The following MSH3 variants were observed in gnomAD, a reference collection of about 807,000 sequenced individuals.
MSH3 encodes mutS homolog 3.
In MSH3, 106 loss-of-function variants were observed where a neutral mutation model predicts 123.3. The ratio of observed to expected loss-of-function variants is 0.86; its 90% CI spans 0.73 to 1.01. The LOEUF is 1.01. Among genes scored for constraint, MSH3 ranks in the 50% least tolerant of loss-of-function variants. The pLI is 0.00. For missense variants in MSH3, 1,459 were observed against 1,347.6 expected (o/e 1.08, Z -1.29); for synonymous variants, 515 against 481.4 (o/e 1.07, Z -0.91).
chr5:80,854,855 G>C (rs1745890043), intron 21 of MSH3, among the ~76,000 whole-genome samples: 1 of 151,988 alleles, frequency 6.6e-6, no homozygotes, highest in Non-Finnish European at 1.5e-5. Flanking sequence ...TATTATCCTT[G>C]GTGAACCCTA....
intron 13 of MSH3, among the ~76,000 whole-genome samples, chr5:80,763,962 G>C (rs533321027): frequency 6.6e-6 from 1 of 152,336 alleles, no homozygotes; most frequent in Non-Finnish European, 1.5e-5. Flanking sequence ...TGCTGTTTTA[G>C]TGTTTGTTTA....
At chr5:80,682,760 G>C (rs1026240743) in intron 8 of MSH3, among the ~76,000 whole-genome samples, 19 of 152,150 alleles carry the variant, frequency 1.2e-4, no homozygotes, top group Non-Finnish European at 2.6e-4. Flanking sequence ...ATTTTAAAAT[G>C]TACAATTAAA....
intron 10 of MSH3, among the ~76,000 whole-genome samples, chr5:80,733,596 AAT>A (rs113921589): frequency 4.0e-5 from 6 of 150,318 alleles, no homozygotes; most frequent in Admixed American, 6.6e-5. Flanking sequence ...TTGTATCTAG[AAT>A]ATATATATAT....
intron 6 of MSH3, among the ~76,000 whole-genome samples, chr5:80,674,771 T>C (rs1019692749): frequency 1.3e-5 from 2 of 152,160 alleles, no homozygotes; most frequent in Non-Finnish European, 2.9e-5. Flanking sequence ...AGAGACAGCA[T>C]CTTGCTTTGT....
At chr5:80,752,202 T>A (rs575735301) in intron 12 of MSH3, among the ~76,000 whole-genome samples, 1 of 151,932 alleles carries the variant, frequency 6.6e-6, no homozygotes, top group South Asian at 2.1e-4. Flanking sequence ...GAATCTGAGA[T>A]TCGAAGAAAG....
At position 80,766,337 on chromosome 5, in the gene MSH3, T is replaced by A. The variant is rs185928584; in HGVS notation, c.1897-1596T>A. On this transcript the variant is annotated intron_variant, in intron 13 of 23. Coordinates refer to ENST00000265081, the MANE Select transcript of MSH3 (RefSeq NM_002439.5). Reference sequence around the variant, plus strand: ...TGTCTTCTTTTCTAGTGTGTTTTTTTCCTTTTTTTTTTTTTTTTTTTTTTT... The same window carrying A: ...TGTCTTCTTTTCTAGTGTGTTTTTTACCTTTTTTTTTTTTTTTTTTTTTTT... Among the ~76,000 whole-genome samples the A allele has an allele frequency of 6.3e-3, 933 of 147,634 alleles. 13 individuals are homozygous for A. The highest frequency in any genetic ancestry group is 0.014 in the Middle Eastern group (4 of 288).
At chr5:80,750,078 A>AGCGTGT (rs1554071460) in intron 12 of MSH3, among the ~76,000 whole-genome samples, 1 of 134,206 alleles carries the variant, frequency 7.5e-6, no homozygotes, top group African/African-American at 3.0e-5. Context: ...AGTATTCCAG[A>AGCGTGT]GTGTGTGTGT....
intron 16 of MSH3, 33 bp downstream of exon 16, chr5:80,775,791 C>T: frequency 5.9e-6 from 7 of 1,188,888 alleles, no homozygotes; most frequent in Non-Finnish European, 8.8e-6. Flanking sequence ...TCTTACAATG[C>T]ATTATGATGA....
At chr5:80,827,878 A>G (rs1440422341) in intron 20 of MSH3, among the ~76,000 whole-genome samples, 2 of 152,174 alleles carry the variant, frequency 1.3e-5, no homozygotes, top group East Asian at 3.9e-4. Flanking sequence ...GGAGGCCTTT[A>G]GACACTATTT....
intron 8 of MSH3, among the ~76,000 whole-genome samples, chr5:80,708,430 AT>A (rs958953301): frequency 2.0e-5 from 3 of 151,748 alleles, no homozygotes; most frequent in Admixed American, 1.3e-4. Flanking sequence ...CAAAGGCTTC[AT>A]TTTGTCTTTG....
rs766742870 is a variant in MSH3 at position 80,854,288 on chromosome 5, A to G, written c.2972A>G (p.Tyr991Cys). Residue 991 changes from tyrosine (Y) to cysteine (C), a missense_variant, in exon 21 of 24, where the codon TAT becomes TGT. By Grantham distance (194) the Tyr-to-Cys change is radical. Transcript: ENST00000265081. ...TSTHDGIAIA[Y>C]ATLEYFIRDV... ...ACTCATGATGGAATTGCCATTGCCTATGCTACACTTGAGTATTTCATCAGA... is the reference window on the plus strand; with the variant it reads ...ACTCATGATGGAATTGCCATTGCCTGTGCTACACTTGAGTATTTCATCAGA... The G allele has an allele frequency of 6.8e-6, 11 of 1,613,956 alleles. No individual in the cohort carries two copies. The highest frequency in any genetic ancestry group is 4.4e-5 in the South Asian group (4 of 91,064).
intron 19 of MSH3, among the ~76,000 whole-genome samples, chr5:80,809,982 C>T (rs975868675): frequency 3.3e-5 from 5 of 151,830 alleles, no homozygotes; most frequent in African/African-American, 9.7e-5. Flanking sequence ...ACACAAATGT[C>T]GTAGAGATTG....
At chr5:80,794,043 T>C (rs530445932) in intron 19 of MSH3, among the ~76,000 whole-genome samples, 1 of 152,196 alleles carries the variant, frequency 6.6e-6, no homozygotes, top group South Asian at 2.1e-4. Context: ...GAGAGTGAGG[T>C]GTGGTTATTT....
intron 22 of MSH3, among the ~76,000 whole-genome samples, chr5:80,871,327 A>G (rs1746212108): frequency 6.6e-6 from 1 of 152,198 alleles, no homozygotes; most frequent in South Asian, 2.1e-4. Context: ...CCCCCAAAAC[A>G]TAGCGGCTTA....
At chr5:80,792,510 T>G (rs1401367070) in intron 18 of MSH3, among the ~76,000 whole-genome samples, 1 of 152,158 alleles carries the variant, frequency 6.6e-6, no homozygotes, top group Non-Finnish European at 1.5e-5. Context: ...TGTGCTTCAG[T>G]GCACTATTAT....
At chr5:80,847,893 T>C (rs907450817) in intron 20 of MSH3, among the ~76,000 whole-genome samples, 26 of 152,234 alleles carry the variant, frequency 1.7e-4, no homozygotes, top group Admixed American at 2.0e-4. Context: ...GTCTTTCTCA[T>C]TGCTGTTCTC....
At chr5:80,727,780 T>A (rs1253080745) in intron 9 of MSH3, among the ~76,000 whole-genome samples, 1 of 151,800 alleles carries the variant, frequency 6.6e-6, no homozygotes, top group Admixed American at 6.6e-5. Flanking sequence ...AGTAAACTAG[T>A]GTGTTAGAAG....
intron 17 of MSH3, among the ~76,000 whole-genome samples, chr5:80,785,882 A>G (rs1744497336): frequency 6.6e-6 from 1 of 152,002 alleles, no homozygotes; most frequent in Admixed American, 6.6e-5. Context: ...TCAGTAAACT[A>G]TCACAAGAAC....
rs377596212 is a variant in MSH3, at chr5:80,755,220, C to CCTCTTACTGTTTGTCCCGACTGT, written c.1764-6324_1764-6302dup. On this transcript the variant is annotated intron_variant, in intron 12 of 23. Coordinates refer to ENST00000265081, the MANE Select transcript of MSH3 (RefSeq NM_002439.5). ...GCTAAGAACAAAATGAACCCGAGTGCCTCTTACTGTTTGTCCCGACTGTCA... is the reference window on the plus strand; with the variant it reads ...GCTAAGAACAAAATGAACCCGAGTGCCTCTTACTGTTTGTCCCGACTGTCTCTTACTGTTTGTCCCGACTGTCA... Among the ~76,000 whole-genome samples, 1,413 of 152,262 alleles carry CCTCTTACTGTTTGTCCCGACTGT rather than the reference C, an allele frequency of 9.3e-3. 19 individuals carry two copies. The highest frequency in any genetic ancestry group is 0.031 in the African/African-American group (1,306 of 41,552).
Sources: gnomAD v4.1 joint callset for allele counts (sites outside exome capture counted in the v4.1 genomes callset) on GRCh38, gnomAD v4.1.1 for gene constraint, MANE v1.5 for transcripts, NCBI Gene and HGNC (gene_info 2026-07-23, HGNC 2026-07-21) for gene names.